The following MAP3K2 variants were observed in gnomAD, a reference collection of about 807,000 sequenced individuals.
MAP3K2 encodes the protein MAP/ERK kinase kinase 2.
A neutral mutation model predicts 80.3 loss-of-function variants in MAP3K2; 24 were observed. The observed-to-expected ratio is 0.30, with a 90% CI of 0.22 to 0.42. The LOEUF (loss-of-function observed/expected upper bound fraction) is 0.42, where lower values mean the gene tolerates loss of function less well. Ranked by LOEUF, MAP3K2 falls within the 10% of genes least tolerant of loss-of-function variation. The pLI is 1.00. For missense variants in MAP3K2, 608 were observed against 750.1 expected, an observed-to-expected ratio of 0.81 and a Z score of 2.21; for synonymous variants, 244 against 253.7, an observed-to-expected ratio of 0.96 and a Z score of 0.36.
rs373068085 is a variant in MAP3K2, at chr2:127,322,016, C to T, written c.1045+30G>A. 21 of 1,579,816 alleles carry T rather than the reference C, an allele frequency of 1.3e-5. No homozygotes were observed. The African/African-American group carries it at 2.7e-4, about 20-fold the overall frequency. On this transcript the variant is annotated intron_variant, in intron 12 of 16. Coordinates refer to ENST00000682094, the MANE Select transcript of MAP3K2 (RefSeq NM_001371910.2). This position sits in a 1 kb window ranked among gnomAD's most constrained non-coding sequence, Gnocchi z 4.2. Reference sequence around the variant, plus strand: ...AAAATTCTGCAAAGATTCTGCTCTACATTTCACTATACCAAGTTCTATTAC... The same window carrying T: ...AAAATTCTGCAAAGATTCTGCTCTATATTTCACTATACCAAGTTCTATTAC...
At chr2:127,368,608 G>A (rs2104883710) in intron 1 of MAP3K2, among the ~76,000 whole-genome samples, 1 of 152,130 alleles carries the variant, frequency 6.6e-6, no homozygotes, top group East Asian at 1.9e-4. Flanking sequence ...GAGACAGAGT[G>A]AGACTCCATC....
intron 1 of MAP3K2, among the ~76,000 whole-genome samples, chr2:127,376,005 C>A (rs1687145605): frequency 6.6e-6 from 1 of 152,146 alleles, no homozygotes; most frequent in African/African-American, 2.4e-5. Flanking sequence ...CCACGCCTGA[C>A]AAACCTACTG....
chr2:127,381,422 G>A (rs1245165739), intron 1 of MAP3K2, among the ~76,000 whole-genome samples: 1 of 152,104 alleles, frequency 6.6e-6, no homozygotes, highest in Non-Finnish European at 1.5e-5. Flanking sequence ...TATAAAATTC[G>A]TAACAAACGA....
intron 1 of MAP3K2, among the ~76,000 whole-genome samples, chr2:127,369,704 A>C (rs1418855710): frequency 6.6e-6 from 1 of 152,254 alleles, no homozygotes; most frequent in South Asian, 2.1e-4. Context: ...GGGCATATGG[A>C]AAGATTAAAT....
chr2:127,354,215 C>T (rs1483001669), intron 1 of MAP3K2, among the ~76,000 whole-genome samples: 4 of 122,718 alleles, frequency 3.3e-5, no homozygotes, highest in African/African-American at 6.6e-5. Context: ...TACCCCTCTG[C>T]GAGAAACACC....
At chr2:127,311,929 G>C (rs1268047150) in intron 15 of MAP3K2, among the ~76,000 whole-genome samples, 1 of 151,996 alleles carries the variant, frequency 6.6e-6, no homozygotes, top group East Asian at 1.9e-4. Context: ...TAAGTTGTTT[G>C]CCTATAGCTT....
At chr2:127,379,182 A>C (rs1017074579) in intron 1 of MAP3K2, among the ~76,000 whole-genome samples, 6 of 151,950 alleles carry the variant, frequency 3.9e-5, no homozygotes, top group Non-Finnish European at 8.8e-5. Flanking sequence ...TATTCCCCTT[A>C]TATTAATAAC....
intron 5 of MAP3K2, among the ~76,000 whole-genome samples, chr2:127,333,403 G>T (rs138932857): frequency 1.3e-5 from 2 of 152,130 alleles, no homozygotes; most frequent in South Asian, 2.1e-4. Context: ...CCAACTAGAA[G>T]TTTATAGAGT....
At chr2:127,375,166 T>C (rs986908910) in intron 1 of MAP3K2, among the ~76,000 whole-genome samples, 3 of 152,120 alleles carry the variant, frequency 2.0e-5, no homozygotes, top group Non-Finnish European at 4.4e-5. Context: ...AGGTCCTCTT[T>C]GTATTCCAGC....
At chr2:127,317,842 T>C (rs1391183312) in intron 13 of MAP3K2, 82 bp from the exon 14 acceptor site, 18 of 1,315,866 alleles carry the variant, frequency 1.4e-5, no homozygotes, top group Non-Finnish European at 1.9e-5. Context: ...ATCAAGGTGA[T>C]TTCATTCTGA....
intron 5 of MAP3K2, among the ~76,000 whole-genome samples, chr2:127,332,375 T>TG (rs1435957999): frequency 6.6e-6 from 1 of 152,220 alleles, no homozygotes; most frequent in Non-Finnish European, 1.5e-5. Flanking sequence ...CTGCTACTTT[T>TG]GGGGGAAAAC....
At chr2:127,329,419 C>T (rs974515104) in intron 7 of MAP3K2, among the ~76,000 whole-genome samples, 2 of 148,936 alleles carry the variant, frequency 1.3e-5, no homozygotes, top group Non-Finnish European at 3.0e-5. Flanking sequence ...TGCAGTGGCA[C>T]AATCTCGGCT....
intron 16 of MAP3K2, among the ~76,000 whole-genome samples, chr2:127,308,114 A>T (rs1469818475): frequency 6.6e-6 from 1 of 152,226 alleles, no homozygotes; most frequent in Non-Finnish European, 1.5e-5. Flanking sequence ...TACAAAGAAT[A>T]TAAGCATTAG....
Position 127,328,232 on chromosome 2 carries a change from G to A in MAP3K2, c.467-1415C>T, listed in dbSNP as rs190249608. Reference sequence around the variant, plus strand: ...AGCGGTTACAGTTAGCTGAGACCGCGCCACTGTACTCCAGCCTGGGTGACG... The same window carrying A: ...AGCGGTTACAGTTAGCTGAGACCGCACCACTGTACTCCAGCCTGGGTGACG... On this transcript the variant is annotated intron_variant, in intron 7 of 16. Transcript: ENST00000682094. Among the ~76,000 whole-genome samples the A allele has an allele frequency of 2.1e-3, 315 of 152,312 alleles. 1 individual carries two copies. The highest frequency in any genetic ancestry group is 0.014 in the Middle Eastern group (4 of 294).
Position 127,364,113 on chromosome 2 carries a change from T to C in MAP3K2, c.-65-20919A>G, listed in dbSNP as rs963094659. ...CACATATGTTTCAGTCAATCTAACC[T>C]ATCTGCTTTTCTCAAAGGACTTGCT... On this transcript the variant is annotated intron_variant, in intron 1 of 16. Coordinates refer to ENST00000682094, the MANE Select transcript of MAP3K2 (RefSeq NM_001371910.2). This position sits in a 1 kb window ranked among gnomAD's most constrained non-coding sequence, Gnocchi z 4.1. Among the ~76,000 whole-genome samples, 10 of 152,214 alleles carry C rather than the reference T, an allele frequency of 6.6e-5. No individual in the cohort carries two copies. Among genetic ancestry groups the C allele is most frequent in the African/African-American group, 2.4e-5 (1 of 41,462 alleles).
intron 15 of MAP3K2, among the ~76,000 whole-genome samples, chr2:127,312,665 T>TA (rs966267582): frequency 2.0e-5 from 3 of 151,268 alleles, no homozygotes; most frequent in Admixed American, 6.6e-5. Flanking sequence ...TGACTCAAAA[T>TA]AAAAAAACAA....
rs1456829692 is a variant in MAP3K2, at chr2:127,364,463, GT to G, written c.-65-21270del. ...AAGCCCTCCCTGTCCTCTTCACCTG[GT>G]CATCTTACCATGTATAAACGATAAT... On this transcript the variant is annotated intron_variant, in intron 1 of 16. Transcript: ENST00000682094. This position sits in a 1 kb window ranked among gnomAD's most constrained non-coding sequence, Gnocchi z 4.1. Among the ~76,000 whole-genome samples, 2 of 152,022 alleles carry G rather than the reference GT, an allele frequency of 1.3e-5. No homozygotes were observed. Among genetic ancestry groups the G allele is most frequent in the Non-Finnish European group, 2.9e-5 (2 of 68,002 alleles).
At chr2:127,384,455 GATGATTC>G (rs1241428057) in intron 1 of MAP3K2, among the ~76,000 whole-genome samples, 1 of 152,140 alleles carries the variant, frequency 6.6e-6, no homozygotes, top group Admixed American at 6.5e-5. Context: ...TAAGAACACT[GATGATTC>G]ATGGGAGGAG....
chr2:127,368,478 C>G (rs59378658), intron 1 of MAP3K2, among the ~76,000 whole-genome samples: 1 of 151,646 alleles, frequency 6.6e-6, no homozygotes, highest in Non-Finnish European at 1.5e-5. Flanking sequence ...AAAAATTAGC[C>G]GGGTGTGGTG....
Sources: gnomAD v4.1 joint callset for allele counts (sites outside exome capture counted in the v4.1 genomes callset) on GRCh38, gnomAD v4.1.1 for gene constraint, Gnocchi (gnomAD v3.1) non-coding constraint, MANE v1.5 for transcripts, NCBI Gene and HGNC (gene_info 2026-07-23, HGNC 2026-07-21) for gene names.